ADGRB1: variants seen among roughly 807,000 people sequenced by gnomAD.
The protein encoded by ADGRB1 is brain-specific angiogenesis inhibitor 1.
A neutral mutation model predicts 175.7 loss-of-function variants in ADGRB1; 36 were observed. The observed-to-expected ratio is 0.20, with a 90% CI of 0.16 to 0.27. The LOEUF is 0.27. ADGRB1 is among the 10% of genes least tolerant of loss of function. The pLI is 1.00. For missense variants in ADGRB1, 1,731 were observed against 2,255.3 expected, an observed-to-expected ratio of 0.77 and a Z score of 4.71; for synonymous variants, 1,054 against 979.4, an observed-to-expected ratio of 1.08 and a Z score of -1.42.
At chr8:142,476,539 CG>C (rs1398197546) in intron 3 of ADGRB1, 45 bp from the exon 4 acceptor site, 10 of 1,507,086 alleles carry the variant, frequency 6.6e-6, no homozygotes, top group Non-Finnish European at 2.7e-6. Context: ...AGAGAGAGGA[CG>C]GGGGCAAAGA....
chr8:142,491,628 C>T (rs913094565), intron 17 of ADGRB1, among the ~76,000 whole-genome samples: 3 of 152,178 alleles, frequency 2.0e-5, no homozygotes, highest in Non-Finnish European at 4.4e-5. Flanking sequence ...AGTGTGTGGT[C>T]GGGGACCTGG....
intron 17 of ADGRB1, among the ~76,000 whole-genome samples, chr8:142,497,448 C>T (rs968507434): frequency 1.3e-5 from 2 of 152,102 alleles, no homozygotes; most frequent in Non-Finnish European, 2.9e-5. Context: ...GTTCCCAGCT[C>T]AGTCTCTCCC....
chr8:142,479,114 T>G (rs935803536), intron 7 of ADGRB1: 5 of 498,730 alleles, frequency 1.0e-5, no homozygotes, highest in African/African-American at 2.0e-5. Flanking sequence ...GTGGGGTGTT[T>G]GCTTTATTTT....
intron 2 of ADGRB1, among the ~76,000 whole-genome samples, chr8:142,473,037 C>A (rs1322345082): frequency 6.6e-6 from 1 of 152,130 alleles, no homozygotes; most frequent in African/African-American, 2.4e-5. Context: ...ACCACATCCT[C>A]ACCACCTGGG....
chr8:142,503,515 G>T (rs547900530), intron 17 of ADGRB1, among the ~76,000 whole-genome samples: 3 of 152,154 alleles, frequency 2.0e-5, no homozygotes, highest in Admixed American at 6.5e-5. Flanking sequence ...GCCAGCAGGG[G>T]TAGGTGACAG....
intron 1 of ADGRB1, among the ~76,000 whole-genome samples, chr8:142,459,995 G>A (rs911493881): frequency 3.3e-5 from 5 of 152,216 alleles, no homozygotes; most frequent in African/African-American, 4.8e-5. Context: ...TCCCCTGCAC[G>A]CCCCACCCCA....
chr8:142,542,671 C>A lies in ADGRB1; in HGVS notation c.4413+24C>A. On this transcript the variant is annotated intron_variant, in intron 28 of 30. Transcript: ENST00000517894. This position sits in a 1 kb window ranked among gnomAD's most constrained non-coding sequence, Gnocchi z 6.3. ...AGGTGAGGGGGGCAGGGGTGGGCCA[C>A]ACCCCAGCCAGCGAGGGCAGGGCTG... The A allele has an allele frequency of 1.3e-6, 2 of 1,523,380 alleles. No homozygotes were observed. Among genetic ancestry groups the A allele is most frequent in the Non-Finnish European group, 8.8e-7 (1 of 1,134,012 alleles). The allele number at this position is 1,523,380 out of a possible 1,614,324, so 94.4% of individuals were successfully genotyped here. A position where few individuals can be genotyped will look rare whatever the true frequency, so the allele number is the denominator to read the frequency against.
At chr8:142,531,491 G>A (rs1224207872) in intron 24 of ADGRB1, among the ~76,000 whole-genome samples, 1 of 152,226 alleles carries the variant, frequency 6.6e-6, no homozygotes, top group Non-Finnish European at 1.5e-5. Context: ...CAGGGCCAGG[G>A]GAAGGGCCAA....
chr8:142,469,488 T>C (rs1280958949), intron 2 of ADGRB1, among the ~76,000 whole-genome samples: 4 of 145,790 alleles, frequency 2.7e-5, no homozygotes, highest in Non-Finnish European at 6.0e-5. Context: ...TGAGTGTGTA[T>C]GCACGTGCAT....
At chr8:142,527,413 C>G (rs1323005627) in intron 24 of ADGRB1, among the ~76,000 whole-genome samples, 2 of 152,198 alleles carry the variant, frequency 1.3e-5, no homozygotes, top group Non-Finnish European at 2.9e-5. Context: ...GTTCCTGTCT[C>G]TCTCTTCCTG....
intron 17 of ADGRB1, among the ~76,000 whole-genome samples, chr8:142,506,218 C>T (rs569387911): frequency 2.0e-5 from 3 of 152,144 alleles, no homozygotes; most frequent in Admixed American, 1.3e-4. Flanking sequence ...CCAATGGTGG[C>T]GGTCACTGGT....
chr8:142,533,101 G>C (rs1392820365), intron 24 of ADGRB1, among the ~76,000 whole-genome samples, 194 bp from the exon 25 acceptor site: 1 of 152,110 alleles, frequency 6.6e-6, no homozygotes, highest in Non-Finnish European at 1.5e-5. Context: ...AGAGGGTGCA[G>C]ACGCAGCCTG....
At chr8:142,508,806 T>C (rs1192946793) in intron 17 of ADGRB1, among the ~76,000 whole-genome samples, 1 of 152,202 alleles carries the variant, frequency 6.6e-6, no homozygotes, top group African/African-American at 2.4e-5. Context: ...CGGAGGATGC[T>C]GGAGATGGGT....
chr8:142,496,220 G>T (rs1842208905), intron 17 of ADGRB1, among the ~76,000 whole-genome samples: 1 of 151,762 alleles, frequency 6.6e-6, no homozygotes, highest in Non-Finnish European at 1.5e-5. Flanking sequence ...TAGATGGGTG[G>T]CTGGCTGGAT....
intron 13 of ADGRB1, among the ~76,000 whole-genome samples, chr8:142,486,934 C>T (rs183654694): frequency 3.5e-4 from 53 of 152,222 alleles, no homozygotes; most frequent in African/African-American, 8.7e-4. Flanking sequence ...GTGGGAGGAT[C>T]GCTTGAGCCC....
rs1041127710 is a variant in ADGRB1, at chr8:142,492,250, C to T, written c.2675+1435C>T. ...CCGTCCGCCTGTTCTTTAATCCATC[C>T]GCCCATCGCCCACTGCTCACCACCC... On this transcript the variant is annotated intron_variant, in intron 17 of 30. Transcript: ENST00000517894. The surrounding 1 kb of genome is among the most constrained non-coding windows in gnomAD (Gnocchi z 4.4). Among the ~76,000 whole-genome samples the T allele has an allele frequency of 1.3e-5, 2 of 152,266 alleles. No individual in the cohort carries two copies. Among genetic ancestry groups the T allele is most frequent in the Non-Finnish European group, 2.9e-5 (2 of 68,016 alleles).
At chr8:142,463,380 A>C (rs1587253137) in intron 1 of ADGRB1, among the ~76,000 whole-genome samples, 1 of 152,068 alleles carries the variant, frequency 6.6e-6, no homozygotes, top group Admixed American at 6.5e-5. Context: ...GAGGCTCTGC[A>C]CCCCCTTCCT....
chr8:142,491,278 A>T (rs766697424), intron 17 of ADGRB1, among the ~76,000 whole-genome samples: 1 of 152,230 alleles, frequency 6.6e-6, no homozygotes, highest in African/African-American at 2.4e-5. Flanking sequence ...TTCAGTGGCC[A>T]TATATCCTGT....
Position 142,449,737 on chromosome 8 carries a change from T to G in ADGRB1, c.-587T>G, listed in dbSNP as rs1839220769. The G allele has an allele frequency of 7.2e-6, 1 of 139,310 alleles. No individual in the cohort carries two copies. Among genetic ancestry groups the G allele is most frequent in the Admixed American group, 7.0e-5 (1 of 14,188 alleles). The allele number at this position is 139,310 out of a possible 1,614,324, so 8.6% of individuals were successfully genotyped here. ...GCAGGCGGCGGCGGCGGGCGCGGCGTTGGCGGCGGCCCCGGCGGAGCGAGC... is the reference window on the plus strand; with the variant it reads ...GCAGGCGGCGGCGGCGGGCGCGGCGGTGGCGGCGGCCCCGGCGGAGCGAGC... On this transcript the variant is annotated 5_prime_UTR_variant, in exon 1 of 31. Transcript: ENST00000517894.
Sources: allele counts gnomAD v4.1 joint callset (sites outside exome capture counted in the v4.1 genomes callset), GRCh38; gene constraint gnomAD v4.1.1; non-coding constraint Gnocchi (gnomAD v3.1); transcripts MANE v1.5; gene names NCBI Gene and HGNC (gene_info 2026-07-23, HGNC 2026-07-21).